ZNF385A: variants seen among roughly 807,000 people sequenced by gnomAD.
The protein encoded by ZNF385A is hematopoietic zinc finger protein.
In ZNF385A, 14 loss-of-function variants were observed where a neutral mutation model predicts 32.1. The observed-to-expected ratio is 0.44, with a 90% CI of 0.29 to 0.68. ZNF385A has a LOEUF of 0.68. Among genes scored for constraint, ZNF385A ranks in the 30% least tolerant of loss-of-function variants. ZNF385A has a pLI of 0.14. For missense variants in ZNF385A, 406 were observed against 478.4 expected (o/e 0.85, Z 1.41); for synonymous variants, 197 against 202.7 (o/e 0.97, Z 0.24).
intron 1 of ZNF385A, among the ~76,000 whole-genome samples, chr12:54,380,977 C>T (rs1955133201): frequency 6.6e-6 from 1 of 152,000 alleles, no homozygotes. Context: ...TCGGGCGGAT[C>T]ACAAGGTCAA....
upstream of ZNF385A, among the ~76,000 whole-genome samples, chr12:54,388,589 G>A (rs1242243056): frequency 6.6e-6 from 1 of 152,198 alleles, no homozygotes; most frequent in African/African-American, 2.4e-5. Flanking sequence ...GCCAGAATGG[G>A]ATTAAGATCA....
chr12:54,382,478 G>T (rs1213830577), intron 1 of ZNF385A, among the ~76,000 whole-genome samples: 1 of 152,076 alleles, frequency 6.6e-6, no homozygotes, highest in Non-Finnish European at 1.5e-5. Context: ...AGATGCAATG[G>T]GTTCAAATCA....
At chr12:54,389,799 T>G (rs1362546841) in intron 1 of ZNF385A, among the ~76,000 whole-genome samples, 1 of 152,016 alleles carries the variant, frequency 6.6e-6, no homozygotes, top group Non-Finnish European at 1.5e-5. Flanking sequence ...CAGGGTGGTA[T>G]TCATAGAAGG....
chr12:54,389,861 C>T (rs940896987), intron 1 of ZNF385A, among the ~76,000 whole-genome samples: 2 of 151,986 alleles, frequency 1.3e-5, no homozygotes, highest in Non-Finnish European at 2.9e-5. Flanking sequence ...AGGCAGGCAA[C>T]CAGCCATTCA....
chr12:54,372,318 C>T (rs957080521), intron 3 of ZNF385A, among the ~76,000 whole-genome samples: 4 of 152,146 alleles, frequency 2.6e-5, no homozygotes, highest in South Asian at 2.1e-4. Flanking sequence ...GAAACTCTAG[C>T]GCTCCCATTC....
chr12:54,383,165 AAAAACAAAAC>A lies in ZNF385A; in HGVS notation c.87+1253_87+1262del, dbSNP rs113165208. Among the ~76,000 whole-genome samples, 1,434 of 152,110 alleles carry A rather than the reference AAAAACAAAAC, an allele frequency of 9.4e-3. 21 individuals carry two copies. Among genetic ancestry groups the A allele is most frequent in the African/African-American group, 0.032 (1,324 of 41,444 alleles). On this transcript the variant is annotated intron_variant, in intron 1 of 6. Transcript: ENST00000394313. ...GAGAGATTGAGCAAGACTACATCTC[AAAAACAAAAC>A]AAAACAAAACAAAACAAATAAAGCT...
At chr12:54,375,755 A>G in intron 2 of ZNF385A, 89 bp downstream of exon 2, 1 of 1,078,532 alleles carries the variant, frequency 9.3e-7, no homozygotes, top group Non-Finnish European at 1.4e-6. Context: ...CAACCAGAGT[A>G]AGTGTTCTCA....
At chr12:54,376,806 C>T (rs903730717) in intron 1 of ZNF385A, among the ~76,000 whole-genome samples, 2 of 152,194 alleles carry the variant, frequency 1.3e-5, no homozygotes, top group African/African-American at 4.8e-5. Context: ...TTTCTGCTAT[C>T]AGGGGATGAA....
intron 1 of ZNF385A, among the ~76,000 whole-genome samples, chr12:54,376,927 G>A (rs1954876902): frequency 2.0e-5 from 3 of 152,206 alleles, no homozygotes; most frequent in Admixed American, 2.0e-4. Context: ...ACTGAAGATT[G>A]GGGGATGGCT....
intron 2 of ZNF385A, 113 bp from the exon 3 acceptor site, chr12:54,374,248 C>A (rs1954721804): frequency 3.9e-6 from 4 of 1,030,208 alleles, no homozygotes; most frequent in Admixed American, 3.5e-5. Flanking sequence ...GTGAATTTTT[C>A]TGTACACCAG....
chr12:54,383,360 A>C (rs1955297102), intron 1 of ZNF385A, among the ~76,000 whole-genome samples: 2 of 149,104 alleles, frequency 1.3e-5, no homozygotes, highest in Non-Finnish European at 3.0e-5. Context: ...ACCCCCAAAC[A>C]CCAGTTGGTC....
In ZNF385A at chr12:54,371,735, A is replaced by G. The variant is rs1482346437; in HGVS notation, c.362-20T>C. The G allele has an allele frequency of 6.2e-7, 1 of 1,610,936 alleles. No homozygotes were observed. The highest frequency in any genetic ancestry group is 1.7e-5 in the Admixed American group (1 of 58,888). Reference sequence around the variant, plus strand: ...TGGAAACTGTTGTTGGGGGAGAAACATGGGGATCACCCTAGATGGCTCTTG... The same window carrying G: ...TGGAAACTGTTGTTGGGGGAGAAACGTGGGGATCACCCTAGATGGCTCTTG... On this transcript the variant is annotated intron_variant, in intron 3 of 6. Coordinates refer to ENST00000394313, the MANE Select transcript of ZNF385A (RefSeq NM_015481.3).
At chr12:54,371,315 G>C (rs772392470) in intron 4 of ZNF385A, among the ~76,000 whole-genome samples, 158 bp downstream of exon 4, 1 of 152,154 alleles carries the variant, frequency 6.6e-6, no homozygotes, top group Non-Finnish European at 1.5e-5. Context: ...AGGAAGTAAA[G>C]GGCTAAGGAA....
intron 3 of ZNF385A, among the ~76,000 whole-genome samples, 191 bp downstream of exon 3, chr12:54,373,782 T>G (rs11830122): frequency 0.016 from 2,361 of 151,684 alleles, 70 homozygotes; most frequent in African/African-American, 0.053. Flanking sequence ...TGAGAGGAGC[T>G]GTGGTGGGGG....
Position 54,370,139 on chromosome 12 carries a change from G to GA in ZNF385A, c.*116_*117insT. 1 of 718,206 alleles carries GA rather than the reference G, an allele frequency of 1.4e-6. No homozygotes were observed. The highest frequency in any genetic ancestry group is 1.9e-6 in the Non-Finnish European group (1 of 521,854). 44.5% of individuals were successfully genotyped at this position (718,206 alleles called of 1,614,324 possible). A position where few individuals can be genotyped will look rare whatever the true frequency, so the allele number is the denominator to read the frequency against. On this transcript the variant is annotated 3_prime_UTR_variant, in exon 7 of 7. Transcript: ENST00000394313. The surrounding 1 kb of genome is among the most constrained non-coding windows in gnomAD (Gnocchi z 5.5). ...TCCTGGAACCCCGTATCTCGGGGTG[G>GA]GGGGGGGGAAGGAGAGATCATTTAG...
intron 1 of ZNF385A, 66 bp downstream of exon 1, chr12:54,384,362 A>AGGTG (rs1444080603): frequency 2.7e-6 from 4 of 1,491,430 alleles, no homozygotes; most frequent in Admixed American, 2.4e-5. Flanking sequence ...AAGAGGGCAG[A>AGGTG]GGTGGGTCTG....
chr12:54,388,936 G>C (rs1955566513), upstream of ZNF385A, among the ~76,000 whole-genome samples: 1 of 152,192 alleles, frequency 6.6e-6, no homozygotes, highest in African/African-American at 2.4e-5. Context: ...AAAGAGACGA[G>C]GGGGATGATT....
At chr12:54,376,084 G>C in intron 1 of ZNF385A, 130 bp from the exon 2 acceptor site, 4 of 674,336 alleles carry the variant, frequency 5.9e-6, no homozygotes, top group South Asian at 1.7e-5. Flanking sequence ...TGAGGGATCT[G>C]AGCCTCAGTC....
intron 1 of ZNF385A, among the ~76,000 whole-genome samples, chr12:54,383,127 T>C (rs978960877): frequency 3.3e-5 from 5 of 152,106 alleles, no homozygotes; most frequent in African/African-American, 1.2e-4. Context: ...ATCATGCCAC[T>C]GCACTCCAGC....
Sources: gnomAD v4.1 joint callset for allele counts (sites outside exome capture counted in the v4.1 genomes callset) on GRCh38, gnomAD v4.1.1 for gene constraint, Gnocchi (gnomAD v3.1) non-coding constraint, MANE v1.5 for transcripts, NCBI Gene and HGNC (gene_info 2026-07-23, HGNC 2026-07-21) for gene names.